PCDHGB1: variants seen among roughly 807,000 people sequenced by gnomAD.
PCDHGB1 encodes the protein protocadherin gamma subfamily B, 1.
In PCDHGB1, 34 loss-of-function variants were observed where a neutral mutation model predicts 56.6. The observed-to-expected ratio is 0.60, with a 90% CI of 0.46 to 0.80. The LOEUF is 0.80. Ranked by LOEUF, PCDHGB1 falls within the 30% of genes least tolerant of loss-of-function variation. The pLI is 0.00. For synonymous variants in PCDHGB1, 561 were observed against 505.9 expected (o/e 1.11, Z -1.46); for missense variants, 1,278 against 1,204.6 (o/e 1.06, Z -0.90).
chr5:141,506,801 C>A (rs1322016728), intron 3 of PCDHGB1, among the ~76,000 whole-genome samples: 2 of 152,166 alleles, frequency 1.3e-5, no homozygotes, highest in Non-Finnish European at 2.9e-5. Flanking sequence ...GGCAGAGGAT[C>A]AAGGCATTGC....
intron 1 of PCDHGB1, among the ~76,000 whole-genome samples, chr5:141,457,465 A>G (rs915755113): frequency 1.3e-5 from 2 of 152,194 alleles, no homozygotes; most frequent in African/African-American, 2.4e-5. Context: ...GATTCACAGG[A>G]ATAAGCAGGG....
In PCDHGB1 at chr5:141,505,435, G is replaced by A. The variant is rs1274195652; in HGVS notation, c.2511G>A (p.Gln837=). The change falls in exon 3 of 4, where the codon CAG becomes CAA. Residue 837 remains glutamine, a synonymous_variant. Transcript: ENST00000523390. ...GDDTGTWPNN[Q]FDTEMLQAMI... is the part of the protein sequence containing the mutation. ...ACACCGGCACCTGGCCCAACAACCA[G>A]TTTGACACAGAGATGCTGCAAGCCA... 1 of 1,614,096 alleles carries A rather than the reference G, an allele frequency of 6.2e-7. No homozygotes were observed. Among genetic ancestry groups the A allele is most frequent in the African/African-American group, 1.3e-5 (1 of 74,936 alleles).
At chr5:141,427,683 G>A (rs761750638) in intron 1 of PCDHGB1, 3 of 836,052 alleles carry the variant, frequency 3.6e-6, no homozygotes, top group South Asian at 2.8e-5. Flanking sequence ...CCTTCCCGGA[G>A]CCTCCATCCC....
intron 1 of PCDHGB1, among the ~76,000 whole-genome samples, chr5:141,445,700 A>G (rs2098474731): frequency 6.6e-6 from 1 of 152,216 alleles, no homozygotes; most frequent in Non-Finnish European, 1.5e-5. Flanking sequence ...TAAAAAAGAA[A>G]TTGTCAGGCA....
At chr5:141,470,022 G>C (rs892106953) in intron 1 of PCDHGB1, among the ~76,000 whole-genome samples, 2 of 152,070 alleles carry the variant, frequency 1.3e-5, no homozygotes, top group African/African-American at 4.8e-5. Context: ...CCAGCTACTC[G>C]GGATGCTGAG....
At chr5:141,389,828 A>C in intron 1 of PCDHGB1, 1 of 1,613,938 alleles carries the variant, frequency 6.2e-7, no homozygotes, top group Non-Finnish European at 8.5e-7. Flanking sequence ...GTGACGGTGG[A>C]CAGCCACCAC....
chr5:141,416,031 C>G (rs1301059596), intron 1 of PCDHGB1: 1 of 207,362 alleles, frequency 4.8e-6, no homozygotes, highest in Non-Finnish European at 9.4e-6. Context: ...AGAAAGAAAT[C>G]ACCTCTGGAA....
At chr5:141,409,640 G>A (rs1045286800) in intron 1 of PCDHGB1, 2 of 1,613,780 alleles carry the variant, frequency 1.2e-6, no homozygotes, top group African/African-American at 1.3e-5. Context: ...CTCTGACCCG[G>A]ATTTGGGGCT....
intron 1 of PCDHGB1, chr5:141,390,163 C>A: frequency 1.2e-6 from 2 of 1,613,992 alleles, no homozygotes; most frequent in South Asian, 1.1e-5. Flanking sequence ...ACAGGAAAGA[C>A]GGAGTTTAAT....
At chr5:141,363,356 T>C (rs1167881605) in intron 1 of PCDHGB1, among the ~76,000 whole-genome samples, 3 of 152,250 alleles carry the variant, frequency 2.0e-5, no homozygotes, top group Non-Finnish European at 4.4e-5. Context: ...GAAATGTCCA[T>C]TTTTTTCAAT....
rs1374094845 is a variant in PCDHGB1, at chr5:141,476,576, T to A, written c.2410-18231T>A. On this transcript the variant is annotated intron_variant, in intron 1 of 3. Coordinates refer to ENST00000523390, the MANE Select transcript of PCDHGB1 (RefSeq NM_018922.3). The surrounding 1 kb of genome is among the most constrained non-coding windows in gnomAD (Gnocchi z 7.6). Reference sequence around the variant, plus strand: ...CGAGGCCGTGGCTCCGGGGACGCGCTTTCCGCTCGAGAGCGCGCACGATCC... The same window carrying A: ...CGAGGCCGTGGCTCCGGGGACGCGCATTCCGCTCGAGAGCGCGCACGATCC... 3 of 1,614,102 alleles carry A rather than the reference T, an allele frequency of 1.9e-6. No individual in the cohort carries two copies. Among genetic ancestry groups the A allele is most frequent in the Middle Eastern group, 1.6e-4 (1 of 6,084 alleles).
intron 1 of PCDHGB1, chr5:141,394,476 C>T (rs763209018): frequency 3.8e-5 from 61 of 1,614,238 alleles, no homozygotes; most frequent in Admixed American, 1.7e-4. Flanking sequence ...CGTGCTGGAC[C>T]AGAATGACAA....
rs756549446 is a variant in PCDHGB1 at position 141,477,301 on chromosome 5, C to G, written c.2410-17506C>G. 32 of 1,614,042 alleles carry G rather than the reference C, an allele frequency of 2.0e-5. 2 individuals carry two copies. In the South Asian group the frequency reaches 3.4e-4, roughly 17 times the overall value. On this transcript the variant is annotated intron_variant, in intron 1 of 3. Coordinates refer to ENST00000523390, the MANE Select transcript of PCDHGB1 (RefSeq NM_018922.3). The surrounding 1 kb of genome is among the most constrained non-coding windows in gnomAD (Gnocchi z 4.9). The stretch of plus-strand genomic sequence containing the variant: ...TGACCTGCGAAGTTCCACCGGGTCT[C>G]CCTTTCAGCCTTACTTCTTCCCTCA...
In PCDHGB1 at chr5:141,356,606, C is replaced by T. The variant is rs536702796; in HGVS notation, c.2409+3937C>T. 6 of 1,614,182 alleles carry T rather than the reference C, an allele frequency of 3.7e-6. No individual in the cohort carries two copies. The Admixed American group carries it at 6.7e-5, about 18-fold the overall frequency. On this transcript the variant is annotated intron_variant, in intron 1 of 3. Transcript: ENST00000523390. ...ATTCCTGAAAACAACCCCAGAGGAG[C>T]CTCCATCTTATCTATGACTGCTCAA...
chr5:141,474,056 C>T (rs576482294), intron 1 of PCDHGB1, among the ~76,000 whole-genome samples: 37 of 152,136 alleles, frequency 2.4e-4, no homozygotes, highest in Non-Finnish European at 4.9e-4. Flanking sequence ...GATGACAGAG[C>T]GAGATCCTGC....
chr5:141,507,554 A>C (rs1384910590), intron 3 of PCDHGB1, among the ~76,000 whole-genome samples: 2 of 152,258 alleles, frequency 1.3e-5, no homozygotes, highest in African/African-American at 4.8e-5. Context: ...TGAAAGTGGC[A>C]GGCGGCTGGG....
intron 1 of PCDHGB1, among the ~76,000 whole-genome samples, chr5:141,454,985 A>G (rs1292477757): frequency 1.3e-5 from 2 of 150,314 alleles, no homozygotes; most frequent in African/African-American, 4.9e-5. Context: ...TTTTTTAAAA[A>G]ATATTTTTAG....
chr5:141,450,181 C>A (rs2098672863), intron 1 of PCDHGB1, among the ~76,000 whole-genome samples: 1 of 151,572 alleles, frequency 6.6e-6, no homozygotes, highest in African/African-American at 2.4e-5. Flanking sequence ...CCACACCCAG[C>A]TAATTTTTGT....
chr5:141,387,777 C>G, intron 1 of PCDHGB1: 1 of 1,453,750 alleles, frequency 6.9e-7, no homozygotes, highest in Non-Finnish European at 9.2e-7. Context: ...TTTTCTTGAA[C>G]TGGAACTGCA....
Sources: allele counts gnomAD v4.1 joint callset (sites outside exome capture counted in the v4.1 genomes callset), GRCh38; gene constraint gnomAD v4.1.1; non-coding constraint Gnocchi (gnomAD v3.1); transcripts MANE v1.5; gene names NCBI Gene and HGNC (gene_info 2026-07-23, HGNC 2026-07-21).